Variants in VRK2 observed in about 807,000 individuals in gnomAD.
VRK2 encodes the protein VRK serine/threonine kinase 2, also known as serine/threonine-protein kinase VRK2.
Under a neutral mutation model 57.6 loss-of-function variants are expected in VRK2, and 60 were observed. The ratio of observed to expected loss-of-function variants is 1.04; its 90% CI spans 0.85 to 1.29. The LOEUF (loss-of-function observed/expected upper bound fraction) is 1.29, where lower values mean the gene tolerates loss of function less well. VRK2 is among the 50% of genes most tolerant of loss of function. The probability of loss-of-function intolerance (pLI) is 0.00; values close to 1 mark genes in which losing one functional copy is unlikely to be tolerated. For synonymous variants in VRK2, 231 were observed against 199.2 expected (o/e 1.16, Z -1.35); for missense variants, 705 against 588.1 (o/e 1.20, Z -2.06).
intron 11 of VRK2, among the ~76,000 whole-genome samples, chr2:58,142,461 A>G (rs1021522864): frequency 6.6e-6 from 1 of 151,682 alleles, no homozygotes; most frequent in African/African-American, 2.4e-5. Flanking sequence ...AGTGATATTG[A>G]TATTTTTTTC....
chr2:58,032,140 G>C (rs996167207), intron 2 of VRK2, among the ~76,000 whole-genome samples: 1 of 152,022 alleles, frequency 6.6e-6, no homozygotes, highest in African/African-American at 2.4e-5. Flanking sequence ...TTCCATAGGA[G>C]TTGTTGTGGT....
At position 58,146,219 on chromosome 2, in the gene VRK2, G is replaced by C; in HGVS notation, c.1024-97G>C. The C allele has an allele frequency of 4.6e-6, 5 of 1,077,404 alleles. No individual in the cohort carries two copies. In the South Asian group the frequency reaches 1.1e-4, roughly 23 times the overall value. 66.7% of individuals were successfully genotyped at this position (1,077,404 alleles called of 1,614,324 possible). On this transcript the variant is annotated intron_variant, in intron 11 of 12. Transcript: ENST00000340157. ...TCTTTATTTCCTTTTTTAAAGCTTGGCAAGTTTAGAGCTTTTAAGAATCTG... is the reference window on the plus strand; with the variant it reads ...TCTTTATTTCCTTTTTTAAAGCTTGCCAAGTTTAGAGCTTTTAAGAATCTG...
At chr2:57,995,656 G>A (rs1407422631) in intron 1 of VRK2, among the ~76,000 whole-genome samples, 1 of 152,188 alleles carries the variant, frequency 6.6e-6, no homozygotes, top group East Asian at 1.9e-4. Flanking sequence ...TGAGTGTGCA[G>A]CAAAAGTGCT....
chr2:58,082,429 C>T (rs1209545405), intron 2 of VRK2, among the ~76,000 whole-genome samples: 2 of 151,866 alleles, frequency 1.3e-5, no homozygotes, highest in East Asian at 3.9e-4. Context: ...TTTCTACTGA[C>T]ATCTACCTCA....
chr2:57,926,731 C>A (rs1183363977), intron 1 of VRK2, among the ~76,000 whole-genome samples: 1 of 150,378 alleles, frequency 6.6e-6, no homozygotes, highest in Non-Finnish European at 1.5e-5. Context: ...GTCTTTTTTT[C>A]ATCTTTTTTT....
At chr2:57,981,908 A>G in intron 1 of VRK2, among the ~76,000 whole-genome samples, 1 of 152,190 alleles carries the variant, frequency 6.6e-6, no homozygotes, top group Non-Finnish European at 1.5e-5. Context: ...AGTCTGGTTA[A>G]GAGCAATTGC....
At chr2:58,034,183 A>G (rs1674202633) in intron 3 of VRK2, among the ~76,000 whole-genome samples, 1 of 152,030 alleles carries the variant, frequency 6.6e-6, no homozygotes, top group South Asian at 2.1e-4. Flanking sequence ...TTACTTAGGA[A>G]AAAGTCAAAA....
intron 7 of VRK2, among the ~76,000 whole-genome samples, chr2:58,094,499 G>A (rs565044816): frequency 2.6e-5 from 4 of 152,112 alleles, no homozygotes; most frequent in Non-Finnish European, 4.4e-5. Flanking sequence ...TGTGATTTTT[G>A]CACATTGATT....
At chr2:58,039,889 T>C (rs1333315817) in intron 3 of VRK2, among the ~76,000 whole-genome samples, 1 of 151,616 alleles carries the variant, frequency 6.6e-6, no homozygotes, top group Non-Finnish European at 1.5e-5. Flanking sequence ...TAAGCATGTA[T>C]TTTATTTTTA....
intron 2 of VRK2, among the ~76,000 whole-genome samples, chr2:58,083,761 G>C (rs1204783040): frequency 6.6e-6 from 1 of 151,548 alleles, no homozygotes; most frequent in East Asian, 1.9e-4. Context: ...CCCACATTTT[G>C]GATCTATATG....
upstream of VRK2, among the ~76,000 whole-genome samples, chr2:58,043,437 G>A (rs961570394): frequency 3.3e-5 from 5 of 152,066 alleles, no homozygotes; most frequent in Admixed American, 6.5e-5. Context: ...CATTTGCAAC[G>A]TTTCAGCTCC....
chr2:57,943,211 G>A (rs72947163), intron 1 of VRK2, among the ~76,000 whole-genome samples: 1,591 of 152,186 alleles, frequency 0.01, 42 homozygotes, highest in African/African-American at 0.037. Context: ...TATCCAAGAA[G>A]GTACACAAGA....
At chr2:57,933,309 CTTTTTTTTTTT>C (rs71394403) in intron 1 of VRK2, among the ~76,000 whole-genome samples, 10 of 63,302 alleles carry the variant, frequency 1.6e-4, no homozygotes, top group Admixed American at 9.1e-4. Flanking sequence ...CTTTCTTTTT[CTTTTTTTTTTT>C]TTTTTTTTTT....
chr2:57,919,375 C>T (rs1670261870), intron 1 of VRK2, among the ~76,000 whole-genome samples: 1 of 151,964 alleles, frequency 6.6e-6, no homozygotes, highest in Non-Finnish European at 1.5e-5. Flanking sequence ...GTTTGCAATG[C>T]TAAGAAAGTT....
chr2:58,006,463 G>A (rs950267449), intron 1 of VRK2, among the ~76,000 whole-genome samples: 2 of 152,076 alleles, frequency 1.3e-5, no homozygotes, highest in Admixed American at 1.3e-4. Flanking sequence ...CACTTATATT[G>A]GAACGGTCTA....
At chr2:58,090,735 C>A (rs1260395764) in intron 7 of VRK2, among the ~76,000 whole-genome samples, 2 of 152,160 alleles carry the variant, frequency 1.3e-5, no homozygotes, top group African/African-American at 4.8e-5. Context: ...TGAAAACTTA[C>A]ATCCACACAA....
At chr2:57,921,819 G>T (rs908507553) in intron 1 of VRK2, among the ~76,000 whole-genome samples, 2 of 151,902 alleles carry the variant, frequency 1.3e-5, no homozygotes, top group African/African-American at 2.4e-5. Context: ...CCATTTCCTG[G>T]TCAGCATTCT....
rs375061258 is a variant in VRK2, at chr2:57,957,017, A to T, written c.-439+49178A>T. ...ACTGTTAAATAGATTGAAAGCTTTC[A>T]ACTTGATTCCTTAGGAAATTATTCT... is the stretch of plus-strand genomic sequence containing the variant. On this transcript the variant is annotated intron_variant, in intron 1 of 15. Coordinates refer to the VRK2 transcript ENST00000417641. Among the ~76,000 whole-genome samples, 60 of 152,286 alleles carry T rather than the reference A, an allele frequency of 3.9e-4. 1 individual carries two copies. In the South Asian group the frequency reaches 0.01, roughly 26 times the overall value.
chr2:58,080,485 TA>T (rs1456357170), intron 2 of VRK2, among the ~76,000 whole-genome samples: 1 of 151,952 alleles, frequency 6.6e-6, no homozygotes, highest in East Asian at 1.9e-4. Flanking sequence ...GCAATGTTGT[TA>T]ATTTTTTTTC....
Sources: gnomAD v4.1 joint callset for allele counts (sites outside exome capture counted in the v4.1 genomes callset) on GRCh38, gnomAD v4.1.1 for gene constraint, MANE v1.5 for transcripts, NCBI Gene and HGNC (gene_info 2026-07-23, HGNC 2026-07-21) for gene names.